The following PTPRQ variants were observed in gnomAD, a reference collection of about 807,000 sequenced individuals.
PTPRQ encodes phosphatidylinositol phosphatase PTPRQ.
Under a neutral mutation model 246.0 loss-of-function variants are expected in PTPRQ, and 199 were observed. The observed-to-expected ratio is 0.81, with a 90% CI of 0.72 to 0.91. The LOEUF (loss-of-function observed/expected upper bound fraction) is 0.91, where lower values mean the gene tolerates loss of function less well. PTPRQ is among the 40% of genes least tolerant of loss of function. The pLI is 0.00. For missense variants in PTPRQ, 2,624 were observed against 2,528.4 expected (o/e 1.04, Z -0.81); for synonymous variants, 869 against 853.2 (o/e 1.02, Z -0.32).
intron 14 of PTPRQ, among the ~76,000 whole-genome samples, chr12:80,500,860 A>G (rs974532801): frequency 3.3e-5 from 5 of 152,004 alleles, no homozygotes; most frequent in Admixed American, 3.3e-4. Flanking sequence ...ATCAGTAAAC[A>G]AATTTGTGAT....
intron 26 of PTPRQ, among the ~76,000 whole-genome samples, chr12:80,595,321 C>T (rs1897933175): frequency 6.6e-6 from 1 of 151,962 alleles, no homozygotes; most frequent in African/African-American, 2.4e-5. Flanking sequence ...GTCCCCTGTG[C>T]CTACTTTTAA....
chr12:80,505,929 A>G, intron 14 of PTPRQ, 95 bp from the exon 15 acceptor site: 2 of 1,333,514 alleles, frequency 1.5e-6, no homozygotes, highest in Non-Finnish European at 2.0e-6. Context: ...TGAAGGTTCA[A>G]TTGTAAATAA....
chr12:80,592,637 T>C (rs1432537370), intron 26 of PTPRQ, among the ~76,000 whole-genome samples: 2 of 151,980 alleles, frequency 1.3e-5, no homozygotes, highest in Non-Finnish European at 2.9e-5. Context: ...AAGATGAAAA[T>C]ATAATGGCCA....
intron 3 of PTPRQ, chr12:80,454,443 A>C (rs1218114099): frequency 1.4e-6 from 1 of 699,786 alleles, no homozygotes; most frequent in Non-Finnish European, 2.6e-6. Context: ...GAAATGCAGA[A>C]ATGGATGCCT....
chr12:80,555,019 T>C (rs1253800779), intron 25 of PTPRQ, among the ~76,000 whole-genome samples: 5 of 152,076 alleles, frequency 3.3e-5, no homozygotes, highest in Non-Finnish European at 7.4e-5. Flanking sequence ...GTTCAAGCAA[T>C]TCTCGTGCCT....
chr12:80,509,977 G>A (rs1895076965), intron 16 of PTPRQ, among the ~76,000 whole-genome samples: 1 of 151,820 alleles, frequency 6.6e-6, no homozygotes, highest in South Asian at 2.1e-4. Context: ...CTCTTTTACT[G>A]TATATTTATT....
chr12:80,467,287 C>T (rs1435656366), intron 6 of PTPRQ, among the ~76,000 whole-genome samples: 1 of 152,002 alleles, frequency 6.6e-6, no homozygotes, highest in Non-Finnish European at 1.5e-5. Context: ...CAGATAAATG[C>T]AAATCAAAAC....
intron 17 of PTPRQ, among the ~76,000 whole-genome samples, chr12:80,532,042 T>C (rs1342995686): frequency 6.6e-6 from 1 of 151,646 alleles, no homozygotes; most frequent in Non-Finnish European, 1.5e-5. Context: ...ATCTGAGGCT[T>C]TTTTTTTACA....
At chr12:80,528,696 A>C (rs955100888) in intron 17 of PTPRQ, among the ~76,000 whole-genome samples, 2 of 152,110 alleles carry the variant, frequency 1.3e-5, no homozygotes, top group African/African-American at 4.8e-5. Flanking sequence ...GACTATTTCA[A>C]ATTCCTGCTT....
intron 3 of PTPRQ, among the ~76,000 whole-genome samples, chr12:80,449,200 T>C (rs1410214646): frequency 6.6e-6 from 1 of 151,608 alleles, no homozygotes; most frequent in East Asian, 1.9e-4. Flanking sequence ...TTCATGTCCT[T>C]CACCCACTTT....
intron 27 of PTPRQ, among the ~76,000 whole-genome samples, chr12:80,608,563 CTTATAAATTATAAATTTATAAT>C (rs1008833138): frequency 2.1e-4 from 31 of 148,856 alleles, no homozygotes; most frequent in East Asian, 1.2e-3. Flanking sequence ...ATAAATTATA[CTTATAAATTATAAATTTATAAT>C]TTATAAATTA....
rs758446731 is a variant in PTPRQ, at chr12:80,473,047, G to GCGCA, written c.1186+797_1186+798insGCAC. Reference sequence around the variant, plus strand: ...TACACACACACACACTCACACACACGCACACACACACACACACACACACAC... The same window carrying GCGCA: ...TACACACACACACACTCACACACACGCGCACACACACACACACACACACACACAC... On this transcript the variant is annotated intron_variant, in intron 8 of 44. Transcript: ENST00000644991. Among the ~76,000 whole-genome samples the GCGCA allele has an allele frequency of 3.3e-3, 482 of 145,672 alleles. 3 individuals carry two copies. Among genetic ancestry groups the GCGCA allele is most frequent in the African/African-American group, 0.01 (390 of 37,850 alleles).
At chr12:80,642,899 G>T (rs1011188201) in intron 35 of PTPRQ, among the ~76,000 whole-genome samples, 1 of 119,066 alleles carries the variant, frequency 8.4e-6, no homozygotes, top group Admixed American at 9.7e-5. Context: ...CAGCCTGGGC[G>T]ACAGAGCGAG....
At chr12:80,604,676 G>A (rs1238753381) in intron 26 of PTPRQ, among the ~76,000 whole-genome samples, 1 of 151,418 alleles carries the variant, frequency 6.6e-6, no homozygotes, top group Non-Finnish European at 1.5e-5. Flanking sequence ...TCTCTCTGTA[G>A]TCAAATACTA....
chr12:80,591,022 A>G (rs1897781233), intron 26 of PTPRQ, among the ~76,000 whole-genome samples: 1 of 151,848 alleles, frequency 6.6e-6, no homozygotes, highest in Non-Finnish European at 1.5e-5. Flanking sequence ...AAAAATAGTC[A>G]TGCAGTAATC....
At chr12:80,667,410 A>G (rs898026467) in intron 39 of PTPRQ, among the ~76,000 whole-genome samples, 1 of 152,032 alleles carries the variant, frequency 6.6e-6, no homozygotes, top group African/African-American at 2.4e-5. Flanking sequence ...TTTTTTCTGA[A>G]TAACCTATTT....
Position 80,472,161 on chromosome 12 carries a change from C to A in PTPRQ, c.1096C>A (p.Pro366Thr), listed in dbSNP as rs957816353. The A allele has an allele frequency of 8.4e-6, 13 of 1,551,436 alleles. No individual in the cohort carries two copies. In the Admixed American group the frequency reaches 2.6e-4, roughly 30 times the overall value. ...CAAGTTTGCATTCACTAACCTAACA[C>A]CATTTACAATGTATGATGTCTATAT... ...DLKFAFTNLT[P>T]FTMYDVYIAA... The change falls in exon 8 of 45, where the codon CCA becomes ACA. Residue 366 changes from proline to threonine, a missense_variant. Pro to Thr is a conservative substitution (Grantham distance 38, BLOSUM62 -1). Transcript: ENST00000644991.
intron 17 of PTPRQ, among the ~76,000 whole-genome samples, chr12:80,527,048 T>C (rs1895707966): frequency 6.6e-6 from 1 of 152,174 alleles, no homozygotes; most frequent in African/African-American, 2.4e-5. Context: ...TTAAGCACTT[T>C]GCATCACCTT....
At chr12:80,595,917 T>C (rs533271374) in intron 26 of PTPRQ, among the ~76,000 whole-genome samples, 422 of 152,206 alleles carry the variant, frequency 2.8e-3, no homozygotes, top group Non-Finnish European at 4.1e-3. Flanking sequence ...AATATTTGTA[T>C]TGCATGTAAG....
Sources: gnomAD v4.1 joint callset for allele counts (sites outside exome capture counted in the v4.1 genomes callset) on GRCh38, gnomAD v4.1.1 for gene constraint, MANE v1.5 for transcripts, NCBI Gene and HGNC (gene_info 2026-07-23, HGNC 2026-07-21) for gene names.